DISC1: variants seen among roughly 807,000 people sequenced by gnomAD.
The protein encoded by DISC1 is DISC1 scaffold protein.
DISC1 carries 57 observed loss-of-function variants against 84.5 expected under a neutral mutation model. That is an observed-to-expected ratio of 0.67 (90% confidence interval 0.55 to 0.84). DISC1 has a LOEUF of 0.84. Ranked by LOEUF, DISC1 falls within the 40% of genes least tolerant of loss-of-function variation. The pLI, the probability that DISC1 is intolerant of heterozygous loss-of-function variation, is 0.00. For missense variants in DISC1, 1,000 were observed against 1,057.8 expected (o/e 0.95, Z 0.76); for synonymous variants, 411 against 415.2 (o/e 0.99, Z 0.12).
At chr1:231,913,539 C>T (rs944138935) in intron 9 of DISC1, among the ~76,000 whole-genome samples, 23 of 152,126 alleles carry the variant, frequency 1.5e-4, no homozygotes, top group Admixed American at 3.3e-4. Flanking sequence ...TTTAAGCAGG[C>T]GTCACTCTCA....
At chr1:231,725,381 C>T (rs954682210) in intron 3 of DISC1, among the ~76,000 whole-genome samples, 1 of 152,192 alleles carries the variant, frequency 6.6e-6, no homozygotes, top group African/African-American at 2.4e-5. Context: ...CCTAACTGCC[C>T]TTATTGCTCA....
chr1:231,964,356 G>T lies in DISC1; in HGVS notation c.2042+5468G>T, dbSNP rs549558067. On this transcript the variant is annotated intron_variant, in intron 10 of 12. Coordinates refer to ENST00000439617, the MANE Select transcript of DISC1 (RefSeq NM_018662.3). ...ACGTTGCAAAGCCACCTTGCCCCTG[G>T]CCTCTTGACTCACATACCTTAGCTA... 2.0e-5 allele frequency among the ~76,000 whole-genome samples: 3 copies of T among 152,268 alleles called. No homozygotes were observed. In the South Asian group the frequency reaches 6.2e-4, roughly 32 times the overall value.
chr1:231,808,005 A>G (rs200284368), intron 8 of DISC1, among the ~76,000 whole-genome samples: 67 of 152,216 alleles, frequency 4.4e-4, no homozygotes, highest in Non-Finnish European at 8.1e-4. Flanking sequence ...TTTTCTTTGC[A>G]TTCCCAATGG....
Position 231,767,235 on chromosome 1 carries a change from G to A in DISC1, c.1364G>A (p.Arg455Gln), listed in dbSNP as rs78852015. The A allele has an allele frequency of 2.9e-5, 47 of 1,614,222 alleles. No individual in the cohort carries two copies. Among genetic ancestry groups the A allele is most frequent in the East Asian group, 4.5e-5 (2 of 44,876 alleles). Residue 455 changes from arginine to glutamine, a missense_variant, in exon 5 of 13, where the codon CGA (arginine) becomes CAA (glutamine). This residue lies in a region of DISC1 where 311 missense variants were observed against 400.1 expected (regional missense o/e 0.78). Transcript: ENST00000439617. ...AGCTTGCACGTGTCCATCACGAGAC[G>A]AGACTGGCTTCTTCAGGAAAAGCAG... ...QDSLHVSITR[R>Q]DWLLQEKQQL...
chr1:231,798,046 A>G (rs1374482819), intron 7 of DISC1, among the ~76,000 whole-genome samples: 1 of 151,474 alleles, frequency 6.6e-6, no homozygotes. Context: ...TAGATTGACC[A>G]GTGACCATGA....
At chr1:231,657,488 A>T (rs1378469266) in intron 1 of DISC1, among the ~76,000 whole-genome samples, 1 of 152,156 alleles carries the variant, frequency 6.6e-6, no homozygotes, top group Non-Finnish European at 1.5e-5. Context: ...TAGTTTAATT[A>T]GATACCATTT....
rs1401970217 is a variant in DISC1 at position 231,694,341 on chromosome 1, GT to G, written c.584del (p.Val195AlafsTer148). On this transcript the variant is annotated frameshift_variant, in exon 2 of 13. Coordinates refer to ENST00000439617, the MANE Select transcript of DISC1 (RefSeq NM_018662.3). LOFTEE classifies it high-confidence loss of function. ...NSCSPGCGPE[V>X]PPTPPGSHSA... ...CTGCAGCCCTGGCTGTGGCCCTGAG[GT>G]CCCCCCAACCCCTCCTGGCTCTCAC... The G allele has an allele frequency of 2.5e-6, 4 of 1,614,114 alleles. No homozygotes were observed. Among genetic ancestry groups the G allele is most frequent in the Non-Finnish European group, 3.4e-6 (4 of 1,180,048 alleles).
At chr1:231,889,519 A>G (rs930362020) in intron 9 of DISC1, among the ~76,000 whole-genome samples, 4 of 152,224 alleles carry the variant, frequency 2.6e-5, no homozygotes, top group Non-Finnish European at 5.9e-5. Flanking sequence ...TGATTGGATT[A>G]CAAGTTTTCC....
At chr1:231,857,257 A>G (rs535394445) in intron 9 of DISC1, among the ~76,000 whole-genome samples, 4 of 152,336 alleles carry the variant, frequency 2.6e-5, no homozygotes, top group African/African-American at 9.6e-5. Flanking sequence ...TGTCAGCCCC[A>G]CTTTCCCAAG....
At chr1:231,918,840 C>G (rs891261020) in intron 9 of DISC1, among the ~76,000 whole-genome samples, 6 of 152,164 alleles carry the variant, frequency 3.9e-5, no homozygotes, top group Non-Finnish European at 8.8e-5. Context: ...TGGAAGGCTT[C>G]GTGCACCAGC....
intron 3 of DISC1, among the ~76,000 whole-genome samples, chr1:231,726,707 A>G (rs2070765433): frequency 6.6e-6 from 1 of 152,230 alleles, no homozygotes; most frequent in Non-Finnish European, 1.5e-5. Flanking sequence ...GTGTTTGGGC[A>G]AAGGCAGTTT....
chr1:231,779,653 G>A (rs933043988), intron 6 of DISC1, among the ~76,000 whole-genome samples: 5 of 148,868 alleles, frequency 3.4e-5, no homozygotes, highest in Non-Finnish European at 5.9e-5. Context: ...TCCACTTCCC[G>A]GGTTCACGCC....
chr1:231,750,163 G>C (rs1461288313), intron 4 of DISC1, 87 bp downstream of exon 4: 3 of 1,529,400 alleles, frequency 2.0e-6, no homozygotes, highest in Non-Finnish European at 2.6e-6. Context: ...GAGGAGCTTA[G>C]CTGTAGAGAC....
intron 10 of DISC1, among the ~76,000 whole-genome samples, chr1:231,962,586 G>A (rs866633904): frequency 9.9e-5 from 15 of 152,110 alleles, no homozygotes; most frequent in Admixed American, 2.0e-4. Flanking sequence ...TCAAGGTGCC[G>A]GTATAAAAGC....
At chr1:231,948,307 G>A (rs565354221) in intron 9 of DISC1, among the ~76,000 whole-genome samples, 9 of 152,278 alleles carry the variant, frequency 5.9e-5, no homozygotes, top group African/African-American at 2.2e-4. Context: ...CCTTTGCAGG[G>A]AGATGGATGA....
chr1:231,648,352 G>A (rs1184790792), intron 1 of DISC1, among the ~76,000 whole-genome samples: 2 of 152,156 alleles, frequency 1.3e-5, no homozygotes, highest in African/African-American at 2.4e-5. Context: ...TTATGTGATG[G>A]ATTACGTTTA....
chr1:231,797,967 A>G (rs1046752711), intron 7 of DISC1, among the ~76,000 whole-genome samples: 1 of 151,910 alleles, frequency 6.6e-6, no homozygotes, highest in Admixed American at 6.6e-5. Context: ...GCAGGGGCCT[A>G]TATTAGTCCA....
At chr1:231,683,315 C>G (rs1447969266) in intron 1 of DISC1, among the ~76,000 whole-genome samples, 1 of 152,072 alleles carries the variant, frequency 6.6e-6, no homozygotes, top group Non-Finnish European at 1.5e-5. Context: ...CCTAGAATCA[C>G]CTGGATAGTG....
chr1:231,694,266 C>T lies in DISC1; in HGVS notation c.508C>T (p.Arg170Cys), dbSNP rs186593988. ...WEAACSDGAR[R>C]VRAAGSLPSA... is the part of the protein sequence containing the mutation. ...GGCAGCCTGCAGCGATGGAGCAAGG[C>T]GTGTCCGGGCAGCAGGCTCTCTGCC... The change falls in exon 2 of 13, where the codon CGT (arginine) becomes TGT (cysteine). Residue 170 changes from arginine to cysteine, a missense_variant. Physicochemically the swap from Arg to Cys is radical, Grantham distance 180 (BLOSUM62 -3). Transcript: ENST00000439617. 672 of 1,614,250 alleles carry T rather than the reference C, an allele frequency of 4.2e-4. 5 individuals are homozygous for T. The Admixed American group carries it at 9.9e-3, about 24-fold the overall frequency.
Sources: allele counts gnomAD v4.1 joint callset (sites outside exome capture counted in the v4.1 genomes callset), GRCh38; gene constraint gnomAD v4.1.1; regional missense constraint gnomAD v4.1.1; transcripts MANE v1.5; gene names NCBI Gene and HGNC (gene_info 2026-07-23, HGNC 2026-07-21).